The following NCOA2 variants were observed in gnomAD, a reference collection of about 807,000 sequenced individuals.
The protein encoded by NCOA2 is nuclear receptor coactivator 2.
In NCOA2, 21 loss-of-function variants were observed where a neutral mutation model predicts 145.1. The ratio of observed to expected loss-of-function variants is 0.14; its 90% CI spans 0.10 to 0.21. The LOEUF is 0.21. NCOA2 is among the 10% of genes least tolerant of loss of function. NCOA2 has a pLI of 1.00. For synonymous variants in NCOA2, 619 were observed against 637.5 expected (o/e 0.97, Z 0.44); for missense variants, 1,472 against 1,837.6 (o/e 0.80, Z 3.64).
intron 4 of NCOA2, among the ~76,000 whole-genome samples, chr8:70,213,614 C>G (rs568346285): frequency 6.6e-6 from 1 of 152,280 alleles, no homozygotes; most frequent in South Asian, 2.1e-4. Context: ...GAAAATGCCA[C>G]AGTGTGGGGA....
chr8:70,386,125 G>A (rs188780043), intron 1 of NCOA2, among the ~76,000 whole-genome samples: 1 of 152,124 alleles, frequency 6.6e-6, no homozygotes. Flanking sequence ...CTTAGGACCA[G>A]ACAAAGGGAT....
chr8:70,304,103 T>C (rs1352377835), intron 1 of NCOA2, among the ~76,000 whole-genome samples: 1 of 152,260 alleles, frequency 6.6e-6, no homozygotes, highest in Middle Eastern at 3.4e-3. Context: ...ATCCCTTGGG[T>C]ACAATACAGA....
At chr8:70,115,611 G>C (rs1312620994) in intron 22 of NCOA2, among the ~76,000 whole-genome samples, 2 of 152,190 alleles carry the variant, frequency 1.3e-5, no homozygotes, top group South Asian at 4.2e-4. Context: ...ACTAAAAGCC[G>C]ACCCTATTAG....
At chr8:70,384,616 T>C (rs1317426921) in intron 1 of NCOA2, among the ~76,000 whole-genome samples, 1 of 152,262 alleles carries the variant, frequency 6.6e-6, no homozygotes. Context: ...TTATATACTA[T>C]ATTTCTTGGA....
intron 1 of NCOA2, among the ~76,000 whole-genome samples, chr8:70,379,396 T>C (rs371542607): frequency 6.6e-6 from 1 of 152,184 alleles, no homozygotes; most frequent in African/African-American, 2.4e-5. Flanking sequence ...TCAAGATCCC[T>C]AATAAAGATT....
chr8:70,442,161 A>AAGAAAGAG, the NCOA2 span, among the ~76,000 whole-genome samples: 1 of 142,924 alleles, frequency 7.0e-6, no homozygotes, highest in African/African-American at 2.7e-5. Flanking sequence ...GAAAGAAAGA[A>AAGAAAGAG]AGAGAAAGGC....
intron 14 of NCOA2, among the ~76,000 whole-genome samples, chr8:70,139,926 T>C (rs1810189990): frequency 1.3e-5 from 2 of 152,140 alleles, no homozygotes; most frequent in Admixed American, 6.5e-5. Flanking sequence ...GTGCCTGGCA[T>C]CTTTTTGTGA....
rs370070806 is a variant in NCOA2 at position 70,223,879 on chromosome 8, T to G, written c.-19-7115A>C. ...TGACACTTTCACTGAAGAGAGAAAT[T>G]TATAAACTAGTATGTATTACAGGAA... On this transcript the variant is annotated intron_variant, in intron 2 of 22. Transcript: ENST00000452400. Among the ~76,000 whole-genome samples, 6 of 152,322 alleles carry G rather than the reference T, an allele frequency of 3.9e-5. No individual in the cohort carries two copies. In the South Asian group the frequency reaches 1.0e-3, roughly 26 times the overall value.
chr8:70,450,573 C>CTTTTTTTTTTTTTTTTTT, the NCOA2 span, among the ~76,000 whole-genome samples: 183 of 94,624 alleles, frequency 1.9e-3, 8 homozygotes, highest in East Asian at 4.4e-3. Context: ...TCTTTTTATT[C>CTTTTTTTTTTTTTTTTTT]TTTTTTTTTT....
At chr8:70,179,667 T>G (rs1395693055) in intron 4 of NCOA2, among the ~76,000 whole-genome samples, 2 of 152,226 alleles carry the variant, frequency 1.3e-5, no homozygotes, top group Non-Finnish European at 2.9e-5. Flanking sequence ...ACAAACTATA[T>G]TTACTTTTCT....
intron 2 of NCOA2, among the ~76,000 whole-genome samples, chr8:70,251,705 T>C (rs921486751): frequency 1.3e-5 from 2 of 152,248 alleles, no homozygotes; most frequent in African/African-American, 4.8e-5. Flanking sequence ...TTTGATTCAG[T>C]ATTAATCCAG....
At chr8:70,336,165 T>C (rs1313851896) in intron 1 of NCOA2, among the ~76,000 whole-genome samples, 2 of 152,164 alleles carry the variant, frequency 1.3e-5, no homozygotes, top group South Asian at 2.1e-4. Flanking sequence ...GGTTTGTTTA[T>C]ACCAGCATCA....
At chr8:70,430,029 T>A in the NCOA2 span, among the ~76,000 whole-genome samples, 11 of 152,206 alleles carry the variant, frequency 7.2e-5, no homozygotes, top group Admixed American at 4.6e-4. Context: ...ATTTTCTTAT[T>A]TCGTGTAGAG....
intron 3 of NCOA2, 29 bp downstream of exon 3, chr8:70,216,631 C>T (rs1210024384): frequency 3.9e-6 from 6 of 1,551,126 alleles, no homozygotes; most frequent in Non-Finnish European, 5.3e-6. Flanking sequence ...ACAGACAATA[C>T]TGATTCCTTT....
chr8:70,244,679 T>G (rs1822460666), intron 2 of NCOA2, among the ~76,000 whole-genome samples: 1 of 152,160 alleles, frequency 6.6e-6, no homozygotes, highest in Admixed American at 6.6e-5. Context: ...CCTTAATAAT[T>G]AAGATTTGCA....
chr8:70,306,231 T>C (rs1827878910), intron 1 of NCOA2, among the ~76,000 whole-genome samples: 1 of 152,182 alleles, frequency 6.6e-6, no homozygotes, highest in African/African-American at 2.4e-5. Flanking sequence ...GATGGAAATC[T>C]GGGGCTCAAA....
intron 14 of NCOA2, among the ~76,000 whole-genome samples, chr8:70,140,685 C>G (rs1412049491): frequency 6.7e-6 from 1 of 149,332 alleles, no homozygotes; most frequent in African/African-American, 2.5e-5. Flanking sequence ...ATGCACCCTC[C>G]ACCTCCCAGG....
At chr8:70,380,560 T>C (rs1194309254) in intron 1 of NCOA2, among the ~76,000 whole-genome samples, 1 of 152,184 alleles carries the variant, frequency 6.6e-6, no homozygotes, top group Non-Finnish European at 1.5e-5. Flanking sequence ...ATTTCTGCTG[T>C]CACAGAGCTT....
chr8:70,220,794 T>C (rs1248638937), intron 2 of NCOA2, among the ~76,000 whole-genome samples: 1 of 152,182 alleles, frequency 6.6e-6, no homozygotes, highest in Non-Finnish European at 1.5e-5. Flanking sequence ...ATAATATGCA[T>C]TTTATCTTTT....
Sources: gnomAD v4.1 joint callset for allele counts (sites outside exome capture counted in the v4.1 genomes callset) on GRCh38, gnomAD v4.1.1 for gene constraint, MANE v1.5 for transcripts, NCBI Gene and HGNC (gene_info 2026-07-23, HGNC 2026-07-21) for gene names.